The following VRK2 variants were observed in gnomAD, a reference collection of about 807,000 sequenced individuals.
VRK2 encodes the protein serine/threonine-protein kinase VRK2.
A neutral mutation model predicts 57.6 loss-of-function variants in VRK2; 60 were observed. The observed-to-expected ratio is 1.04, with a 90% CI of 0.85 to 1.29. The LOEUF (loss-of-function observed/expected upper bound fraction) is 1.29, where lower values mean the gene tolerates loss of function less well. Ranked by LOEUF, VRK2 falls within the 50% of genes most tolerant of loss-of-function variation. The pLI is 0.00. For missense variants in VRK2, 705 were observed against 588.1 expected (o/e 1.20, Z -2.06); for synonymous variants, 231 against 199.2 (o/e 1.16, Z -1.35).
intron 2 of VRK2, among the ~76,000 whole-genome samples, chr2:58,078,101 C>T (rs1293537654): frequency 6.6e-6 from 1 of 151,996 alleles, no homozygotes; most frequent in Non-Finnish European, 1.5e-5. Context: ...CCAGAATGTT[C>T]CCATTTTGCA....
intron 3 of VRK2, among the ~76,000 whole-genome samples, chr2:58,037,895 AAAC>A (rs1674326004): frequency 1.3e-5 from 2 of 152,168 alleles, no homozygotes; most frequent in Admixed American, 6.5e-5. Context: ...ATAAAAATTA[AAAC>A]AACACAATAA....
At chr2:58,055,728 G>C (rs1347888294) in intron 2 of VRK2, among the ~76,000 whole-genome samples, 1 of 152,126 alleles carries the variant, frequency 6.6e-6, no homozygotes, top group East Asian at 1.9e-4. Flanking sequence ...TTTTCACTAT[G>C]AGCTGATGAA....
chr2:58,035,807 G>T (rs1476700521), intron 3 of VRK2, among the ~76,000 whole-genome samples: 3 of 152,004 alleles, frequency 2.0e-5, no homozygotes, highest in Admixed American at 6.6e-5. Flanking sequence ...CATCAGATGA[G>T]ACCCAACCAC....
chr2:58,016,755 C>T (rs761556783), intron 1 of VRK2, among the ~76,000 whole-genome samples: 2 of 152,128 alleles, frequency 1.3e-5, no homozygotes, highest in Non-Finnish European at 2.9e-5. Context: ...TCTAGACTCT[C>T]GTGGAGAATA....
At chr2:58,099,606 T>G (rs1157678917) in intron 7 of VRK2, among the ~76,000 whole-genome samples, 1 of 152,082 alleles carries the variant, frequency 6.6e-6, no homozygotes, top group Non-Finnish European at 1.5e-5. Context: ...TTATGCTGCA[T>G]GTGTTTCTGT....
In VRK2 at chr2:58,123,098, C is replaced by G. The variant is rs777942129; in HGVS notation, c.544-3C>G. ...TATTCATTTGTCTGTGCTTGTCTTC[C>G]AGGTTTATCTTGCAGATTATGGACT... On this transcript the variant is annotated splice_region_variant and splice_polypyrimidine_tract_variant and intron_variant, in intron 7 of 12. Coordinates refer to ENST00000340157, the MANE Select transcript of VRK2 (RefSeq NM_006296.7). 1 of 1,596,102 alleles carries G rather than the reference C, an allele frequency of 6.3e-7. No homozygotes were observed. The highest frequency in any genetic ancestry group is 1.1e-5 in the South Asian group (1 of 87,266).
intron 7 of VRK2, among the ~76,000 whole-genome samples, chr2:58,118,013 A>C (rs1368317908): frequency 6.6e-6 from 1 of 152,136 alleles, no homozygotes; most frequent in Non-Finnish European, 1.5e-5. Context: ...GGGAGCGGAA[A>C]TAAGGGATTG....
chr2:58,063,752 C>T lies in VRK2; in HGVS notation c.136+14785C>T, dbSNP rs188542125. On this transcript the variant is annotated intron_variant, in intron 2 of 12. Coordinates refer to ENST00000340157, the MANE Select transcript of VRK2 (RefSeq NM_006296.7). Reference sequence around the variant, plus strand: ...TTCTTACTATTTAAGAAATACATTTCGTAAGGCTTCAGCTGCCATAGATAA... The same window carrying T: ...TTCTTACTATTTAAGAAATACATTTTGTAAGGCTTCAGCTGCCATAGATAA... Among the ~76,000 whole-genome samples, 9 of 152,136 alleles carry T rather than the reference C, an allele frequency of 5.9e-5. No individual in the cohort carries two copies. The East Asian group carries it at 1.2e-3, about 20-fold the overall frequency.
intron 1 of VRK2, among the ~76,000 whole-genome samples, chr2:57,959,281 T>A (rs902187541): frequency 6.6e-6 from 1 of 152,226 alleles, no homozygotes; most frequent in Admixed American, 6.5e-5. Flanking sequence ...CATGTTCTTA[T>A]CATTCTTTCG....
At chr2:57,909,243 C>G (rs1416114127) in intron 1 of VRK2, among the ~76,000 whole-genome samples, 1 of 152,120 alleles carries the variant, frequency 6.6e-6, no homozygotes, top group Non-Finnish European at 1.5e-5. Flanking sequence ...TATCATAAAC[C>G]TTAAAACTAT....
chr2:57,969,397 C>T (rs1672022927), intron 1 of VRK2, among the ~76,000 whole-genome samples: 1 of 151,592 alleles, frequency 6.6e-6, no homozygotes, highest in African/African-American at 2.4e-5. Context: ...TGCCTAACTG[C>T]AGATCAAGGA....
intron 7 of VRK2, among the ~76,000 whole-genome samples, chr2:58,118,315 C>T (rs11891733): frequency 0.06 from 9,100 of 152,132 alleles, 845 homozygotes; most frequent in African/African-American, 0.21. Context: ...GGTGAATAAT[C>T]AGAGAGGTGT....
At chr2:57,993,273 T>C (rs551796394) in intron 1 of VRK2, among the ~76,000 whole-genome samples, 1 of 152,298 alleles carries the variant, frequency 6.6e-6, no homozygotes, top group East Asian at 1.9e-4. Flanking sequence ...ACAATCTTAT[T>C]TAGCTTAGTA....
chr2:58,015,915 C>T (rs1246712805), intron 1 of VRK2, among the ~76,000 whole-genome samples: 1 of 151,776 alleles, frequency 6.6e-6, no homozygotes, highest in Non-Finnish European at 1.5e-5. Flanking sequence ...AATTCTGAGG[C>T]AAATTTGATT....
chr2:58,057,541 T>C (rs981649517), intron 2 of VRK2, among the ~76,000 whole-genome samples: 4 of 152,132 alleles, frequency 2.6e-5, no homozygotes, highest in African/African-American at 7.2e-5. Context: ...TAGTATTTAA[T>C]TGAAGTAGAC....
chr2:58,137,156 T>TTATATATATCATATCATATATATCA (rs1680380949), intron 10 of VRK2, among the ~76,000 whole-genome samples: 1 of 24,454 alleles, frequency 4.1e-5, no homozygotes, highest in Non-Finnish European at 8.1e-5. Flanking sequence ...TATCATGTGT[T>TTATATATATCATATCATATATATCA]TATATATATC....
At chr2:58,045,749 A>G (rs1674692258), upstream of VRK2, among the ~76,000 whole-genome samples, 1 of 151,750 alleles carries the variant, frequency 6.6e-6, no homozygotes, top group Admixed American at 6.6e-5. Context: ...ATCCCAACCA[A>G]TTATTGGTGG....
intron 1 of VRK2, among the ~76,000 whole-genome samples, chr2:58,001,207 G>T (rs557515084): frequency 6.6e-6 from 1 of 152,188 alleles, no homozygotes; most frequent in African/African-American, 2.4e-5. Flanking sequence ...ATACATTTAT[G>T]CCTTCATCCA....
At chr2:58,046,639 G>C (rs915780849), upstream of VRK2, 19 of 985,448 alleles carry the variant, frequency 1.9e-5, no homozygotes, top group Non-Finnish European at 2.2e-5. Flanking sequence ...GCGTCTCCGG[G>C]GCGTGGACAG....
Sources: allele counts gnomAD v4.1 joint callset (sites outside exome capture counted in the v4.1 genomes callset), GRCh38; gene constraint gnomAD v4.1.1; transcripts MANE v1.5; gene names NCBI Gene and HGNC (gene_info 2026-07-23, HGNC 2026-07-21).